FMN2: variants seen among roughly 807,000 people sequenced by gnomAD.
The protein encoded by FMN2 is formin-2.
A neutral mutation model predicts 142.3 loss-of-function variants in FMN2; 51 were observed. The ratio of observed to expected loss-of-function variants is 0.36; its 90% confidence interval spans 0.29 to 0.45. FMN2 has a LOEUF of 0.45. Ranked by LOEUF, FMN2 falls within the 20% of genes least tolerant of loss-of-function variation. FMN2 has a pLI of 1.00. For missense variants in FMN2, 1,936 were observed against 2,122.8 expected (o/e 0.91, Z 1.73); for synonymous variants, 882 against 869.8 (o/e 1.01, Z -0.25).
chr1:240,112,033 G>C (rs925613832), intron 1 of FMN2, among the ~76,000 whole-genome samples: 13 of 152,068 alleles, frequency 8.5e-5, no homozygotes, highest in African/African-American at 1.7e-4. Flanking sequence ...TGCATAATTA[G>C]GTATATAATA....
In FMN2 at chr1:240,143,334, A is replaced by C. The variant is rs895594955; in HGVS notation, c.1782+19989A>C. The C allele has an allele frequency of 3.3e-5, 50 of 1,496,734 alleles. 1 individual carries two copies. The highest frequency in any genetic ancestry group is 1.1e-5 in the South Asian group (1 of 87,922). The allele number at this position is 1,496,734 out of a possible 1,614,324, so 92.7% of individuals were successfully genotyped here. ...CTAAAGGTACAGCCCTCCGGAGTGC[A>C]GGCTCCCCATATCTCAGCAAGTGGC... On this transcript the variant is annotated intron_variant, in intron 2 of 17. Transcript: ENST00000319653.
chr1:240,461,842 G>T (rs769155611), intron 16 of FMN2, among the ~76,000 whole-genome samples: 4 of 152,080 alleles, frequency 2.6e-5, no homozygotes, highest in Non-Finnish European at 4.4e-5. Flanking sequence ...CAAATGAGAT[G>T]GTGCACATGA....
intron 1 of FMN2, among the ~76,000 whole-genome samples, chr1:240,100,807 G>A (rs1661384829): frequency 1.3e-5 from 2 of 152,192 alleles, no homozygotes; most frequent in Non-Finnish European, 2.9e-5. Context: ...AGCTGCAATG[G>A]ACTGAAAACA....
At chr1:240,286,281 C>T (rs1669587462) in intron 7 of FMN2, among the ~76,000 whole-genome samples, 1 of 152,140 alleles carries the variant, frequency 6.6e-6, no homozygotes, top group African/African-American at 2.4e-5. Context: ...TTCAGCATAG[C>T]AACCTATCCT....
intron 8 of FMN2, 110 bp from the exon 9 acceptor site, chr1:240,328,966 A>G (rs373444068): frequency 1.1e-6 from 1 of 870,302 alleles, no homozygotes. Context: ...ATGAAAATAT[A>G]TAGCGTTTCG....
At chr1:240,253,272 TCA>T (rs1420111873) in intron 6 of FMN2, among the ~76,000 whole-genome samples, 17 of 102,528 alleles carry the variant, frequency 1.7e-4, no homozygotes, top group Non-Finnish European at 3.0e-4. Flanking sequence ...CCTGGCCTGT[TCA>T]TTCATTTTTA....
intron 6 of FMN2, among the ~76,000 whole-genome samples, chr1:240,254,701 G>A (rs1466412215): frequency 1.3e-5 from 2 of 152,102 alleles, no homozygotes; most frequent in African/African-American, 4.8e-5. Flanking sequence ...TATGGCGGCT[G>A]CAAGAGGGGT....
intron 15 of FMN2, among the ~76,000 whole-genome samples, chr1:240,399,228 A>G (rs1673890953): frequency 6.6e-6 from 1 of 152,222 alleles, no homozygotes; most frequent in Non-Finnish European, 1.5e-5. Flanking sequence ...TATGTCGAGT[A>G]TCAACTTCAT....
intron 6 of FMN2, among the ~76,000 whole-genome samples, chr1:240,215,331 T>C (rs549413795): frequency 1.3e-5 from 2 of 152,350 alleles, no homozygotes; most frequent in East Asian, 3.9e-4. Flanking sequence ...GCTCATATAA[T>C]GCTCCTACCC....
At chr1:240,104,631 C>G (rs962578444) in intron 1 of FMN2, among the ~76,000 whole-genome samples, 3 of 152,104 alleles carry the variant, frequency 2.0e-5, no homozygotes, top group Non-Finnish European at 4.4e-5. Flanking sequence ...TATACAAATA[C>G]TCTGAGTTGC....
chr1:240,187,049 G>A (rs1270638278), intron 3 of FMN2, among the ~76,000 whole-genome samples: 6 of 150,418 alleles, frequency 4.0e-5, no homozygotes, highest in South Asian at 2.1e-4. Flanking sequence ...GGCGGATCAC[G>A]AGGTCAGGAG....
intron 15 of FMN2, 70 bp from the exon 16 acceptor site, chr1:240,437,991 T>C: frequency 6.5e-7 from 1 of 1,533,302 alleles, no homozygotes; most frequent in Non-Finnish European, 8.8e-7. Flanking sequence ...AGCATTTGGA[T>C]AGAGAAAGAA....
intron 7 of FMN2, among the ~76,000 whole-genome samples, chr1:240,294,603 A>G (rs754130083): frequency 6.6e-6 from 1 of 152,142 alleles, no homozygotes; most frequent in Non-Finnish European, 1.5e-5. Context: ...GGCCATTTTC[A>G]TGGGATTTAG....
rs564885207 is a variant in FMN2 at position 240,184,137 on chromosome 1, A to G, written c.1931-4070A>G. Among the ~76,000 whole-genome samples, 35 of 152,048 alleles carry G rather than the reference A, an allele frequency of 2.3e-4. No homozygotes were observed. In the South Asian group the frequency reaches 6.9e-3, roughly 30 times the overall value. ...AGTGAAAGGCTTATTTTGTGATGGT[A>G]AAGAGGTCAGTCCTGAAACATTTGG... On this transcript the variant is annotated intron_variant, in intron 3 of 17. Coordinates refer to ENST00000319653, the MANE Select transcript of FMN2 (RefSeq NM_020066.5).
chr1:240,404,849 G>A (rs377079189), intron 15 of FMN2, among the ~76,000 whole-genome samples: 11 of 152,202 alleles, frequency 7.2e-5, no homozygotes, highest in Admixed American at 2.6e-4. Flanking sequence ...GTTTGTTAGC[G>A]TTAGCGCTTT....
chr1:240,450,634 C>T (rs1414895754), intron 16 of FMN2, among the ~76,000 whole-genome samples: 5 of 152,328 alleles, frequency 3.3e-5, no homozygotes, highest in Middle Eastern at 3.4e-3. Context: ...GGCTGGCACC[C>T]GAGCGTCACA....
intron 8 of FMN2, among the ~76,000 whole-genome samples, chr1:240,316,946 A>G (rs187454995): frequency 9.2e-5 from 14 of 152,256 alleles, no homozygotes; most frequent in Admixed American, 9.2e-4. Flanking sequence ...CATCATGTAC[A>G]CACATATGCA....
At chr1:240,377,624 T>C (rs1673089599) in intron 14 of FMN2, among the ~76,000 whole-genome samples, 1 of 152,196 alleles carries the variant, frequency 6.6e-6, no homozygotes, top group Non-Finnish European at 1.5e-5. Flanking sequence ...AAGCTAGCCA[T>C]GGCTGGTTGA....
rs575176416 is a variant in FMN2 at position 240,277,012 on chromosome 1, A to G, written c.4154-17810A>G. Among the ~76,000 whole-genome samples, 21 of 152,304 alleles carry G rather than the reference A, an allele frequency of 1.4e-4. No individual in the cohort carries two copies. The East Asian group carries it at 3.5e-3, about 25-fold the overall frequency. ...AATCAGGCTGTGTGTTTGTGTTTGCACTGTTGCCACTTAATCCTTGATCCT... is the reference window on the plus strand; with the variant it reads ...AATCAGGCTGTGTGTTTGTGTTTGCGCTGTTGCCACTTAATCCTTGATCCT... On this transcript the variant is annotated intron_variant, in intron 7 of 17. Coordinates refer to ENST00000319653, the MANE Select transcript of FMN2 (RefSeq NM_020066.5).
Sources: allele counts gnomAD v4.1 joint callset (sites outside exome capture counted in the v4.1 genomes callset), GRCh38; gene constraint gnomAD v4.1.1; transcripts MANE v1.5; gene names NCBI Gene and HGNC (gene_info 2026-07-23, HGNC 2026-07-21).